MTMR3: variants seen among roughly 807,000 people sequenced by gnomAD.
MTMR3 encodes the protein myotubularin related protein 3.
In MTMR3, 32 loss-of-function variants were observed where a neutral mutation model predicts 132.4. The ratio of observed to expected loss-of-function variants is 0.24; its 90% CI spans 0.18 to 0.32. The LOEUF (loss-of-function observed/expected upper bound fraction) is 0.32, where lower values mean the gene tolerates loss of function less well. Among genes scored for constraint, MTMR3 ranks in the 10% least tolerant of loss-of-function variants. MTMR3 has a pLI of 1.00. For missense variants in MTMR3, 1,216 were observed against 1,489.6 expected (o/e 0.82, Z 3.02); for synonymous variants, 556 against 550.3 (o/e 1.01, Z -0.14).
intron 11 of MTMR3, 77 bp from the exon 12 acceptor site, chr22:30,008,941 C>G: frequency 1.0e-6 from 1 of 953,876 alleles, no homozygotes; most frequent in Admixed American, 1.8e-5. Context: ...TGTTTTATAG[C>G]CAGTTTGCTT....
At chr22:30,017,015 C>T (rs1290970946) in intron 15 of MTMR3, 5 of 234,934 alleles carry the variant, frequency 2.1e-5, no homozygotes, top group Non-Finnish European at 3.3e-5. Context: ...GGGAGAGGCA[C>T]TTAAGTTGCT....
At chr22:29,924,376 G>GT (rs1276294745) in intron 1 of MTMR3, among the ~76,000 whole-genome samples, 1 of 152,118 alleles carries the variant, frequency 6.6e-6, no homozygotes, top group African/African-American at 2.4e-5. Flanking sequence ...GACCATATAT[G>GT]TAAGTGTTTA....
At chr22:30,025,457 A>G (rs1601448338) in intron 19 of MTMR3, 173 bp from the exon 20 acceptor site, 2 of 639,258 alleles carry the variant, frequency 3.1e-6, no homozygotes, top group East Asian at 2.8e-5. Context: ...TCTGCTAGGT[A>G]GGGACACCCT....
chr22:29,936,073 A>G (rs1336278174), intron 1 of MTMR3, among the ~76,000 whole-genome samples: 1 of 152,078 alleles, frequency 6.6e-6, no homozygotes, highest in African/African-American at 2.4e-5. Flanking sequence ...TTTTAGGGGA[A>G]AAGTTTAGAA....
At chr22:30,008,315 T>G (rs1442711826) in intron 11 of MTMR3, 1 of 277,606 alleles carries the variant, frequency 3.6e-6, no homozygotes, top group African/African-American at 2.2e-5. Context: ...TGTTCATGTT[T>G]GGAAGCTGCT....
At chr22:29,933,854 C>T (rs774889525) in intron 1 of MTMR3, among the ~76,000 whole-genome samples, 1 of 151,760 alleles carries the variant, frequency 6.6e-6, no homozygotes, top group East Asian at 1.9e-4. Context: ...CACAGGTGTG[C>T]ACCATTGTGC....
At chr22:29,976,367 A>T (rs936152746) in intron 3 of MTMR3, among the ~76,000 whole-genome samples, 1 of 151,984 alleles carries the variant, frequency 6.6e-6, no homozygotes, top group African/African-American at 2.4e-5. Context: ...TAGTTTTTCC[A>T]TCAGTTGTTC....
chr22:29,905,549 A>G (rs974481301), intron 1 of MTMR3, among the ~76,000 whole-genome samples: 2 of 152,214 alleles, frequency 1.3e-5, no homozygotes, highest in Non-Finnish European at 2.9e-5. Flanking sequence ...TCAGAAGTAT[A>G]AGTTACAGGG....
chr22:29,891,411 C>CAT (rs35113054), intron 1 of MTMR3, among the ~76,000 whole-genome samples: 30,187 of 148,758 alleles, frequency 0.2, 3,613 homozygotes, highest in Middle Eastern at 0.38. Flanking sequence ...GTATATATAA[C>CAT]ATATATATAT....
At chr22:30,010,566 G>C (rs2067392205) in intron 12 of MTMR3, 1 of 152,222 alleles carries the variant, frequency 6.6e-6, no homozygotes, top group African/African-American at 2.4e-5. Context: ...TGCAGGTTGA[G>C]AACAGGACAA....
intron 5 of MTMR3, 72 bp from the exon 6 acceptor site, chr22:29,988,408 G>C (rs2066898466): frequency 9.0e-7 from 1 of 1,107,592 alleles, no homozygotes; most frequent in South Asian, 1.5e-5. Flanking sequence ...AATTAGTCTT[G>C]TTGGACACAT....
intron 7 of MTMR3, chr22:29,996,483 A>G (rs1183594536): frequency 2.6e-5 from 4 of 152,204 alleles, no homozygotes; most frequent in East Asian, 1.9e-4. Flanking sequence ...AAGGGTATCT[A>G]TGTGTTTTAT....
intron 1 of MTMR3, among the ~76,000 whole-genome samples, chr22:29,927,498 G>A (rs2065540562): frequency 6.6e-6 from 1 of 151,708 alleles, no homozygotes; most frequent in Non-Finnish European, 1.5e-5. Flanking sequence ...CTGTTTAGGT[G>A]GTCTTTAATT....
At chr22:29,957,634 G>A (rs1056546411) in intron 2 of MTMR3, among the ~76,000 whole-genome samples, 1 of 151,864 alleles carries the variant, frequency 6.6e-6, no homozygotes, top group Non-Finnish European at 1.5e-5. Flanking sequence ...AACTTTTTTT[G>A]TAGAGACAGG....
intron 1 of MTMR3, among the ~76,000 whole-genome samples, chr22:29,908,624 A>G (rs1303023176): frequency 6.6e-6 from 1 of 152,020 alleles, no homozygotes; most frequent in Admixed American, 6.6e-5. Flanking sequence ...CGGAAATAGC[A>G]GGAATATGTC....
intron 8 of MTMR3, 121 bp from the exon 9 acceptor site, chr22:30,002,759 G>C (rs2067202048): frequency 4.3e-6 from 3 of 702,000 alleles, no homozygotes; most frequent in Non-Finnish European, 7.2e-6. Flanking sequence ...GCCTTTAACT[G>C]GTTCTGTGGC....
chr22:29,948,687 T>C (rs1728486989), intron 1 of MTMR3, among the ~76,000 whole-genome samples: 1 of 152,120 alleles, frequency 6.6e-6, no homozygotes, highest in Non-Finnish European at 1.5e-5. Flanking sequence ...AAATTTGTCT[T>C]TTTGTGGTAA....
rs760882388 is a variant in MTMR3 at position 29,979,002 on chromosome 22, G to T, written c.160G>T (p.Ala54Ser). Residue 54 changes from alanine to serine, a missense_variant, in exon 5 of 20, where the codon GCC becomes TCC. Around this residue, in one of 7 missense-constraint regions of MTMR3, gnomAD observed 81 missense variants for 87.7 expected, o/e 0.92. Transcript: ENST00000401950. ...FVGRAEDAII[A>S]LSNYRLHIKF... ...GGGCCGTGCCGAGGATGCCATCATT[G>T]CCCTTTCCAATTACAGACTTCACAT... 6.2e-7 allele frequency: 1 copy of T among 1,613,836 alleles called. No individual in the cohort carries two copies. Among genetic ancestry groups the T allele is most frequent in the South Asian group, 1.1e-5 (1 of 91,076 alleles).
chr22:29,947,863 A>G (rs1427795795), intron 1 of MTMR3, among the ~76,000 whole-genome samples: 3 of 152,148 alleles, frequency 2.0e-5, no homozygotes, highest in Non-Finnish European at 4.4e-5. Context: ...GGTATGTTGA[A>G]TTGAAGATGG....
Sources: gnomAD v4.1 joint callset for allele counts (sites outside exome capture counted in the v4.1 genomes callset) on GRCh38, gnomAD v4.1.1 for gene constraint, gnomAD v4.1.1 regional missense constraint, MANE v1.5 for transcripts, NCBI Gene and HGNC (gene_info 2026-07-23, HGNC 2026-07-21) for gene names.